The following RTN1 variants were observed in gnomAD, a reference collection of about 807,000 sequenced individuals.
RTN1 encodes the protein reticulon-1.
Under a neutral mutation model 65.5 loss-of-function variants are expected in RTN1, and 25 were observed. The ratio of observed to expected loss-of-function variants is 0.38; its 90% CI spans 0.28 to 0.53. The LOEUF is 0.53. Among genes scored for constraint, RTN1 ranks in the 20% least tolerant of loss-of-function variants. RTN1 has a pLI of 0.79. For synonymous variants in RTN1, 471 were observed against 447.6 expected (o/e 1.05, Z -0.66); for missense variants, 983 against 1,025.4 (o/e 0.96, Z 0.57).
chr14:59,866,627 G>A (rs1887803371), intron 1 of RTN1, among the ~76,000 whole-genome samples: 1 of 152,152 alleles, frequency 6.6e-6, no homozygotes, highest in African/African-American at 2.4e-5. Flanking sequence ...ATTGTATCCA[G>A]AGGATATGCC....
intron 1 of RTN1, among the ~76,000 whole-genome samples, chr14:59,810,079 C>G (rs749952932): frequency 6.6e-6 from 1 of 152,164 alleles, no homozygotes; most frequent in Non-Finnish European, 1.5e-5. Context: ...GGGTCTCTTG[C>G]AATTCCATAT....
chr14:59,750,231 T>TATATA (rs1382049225), intron 1 of RTN1, among the ~76,000 whole-genome samples: 2,949 of 39,386 alleles, frequency 0.075, 556 homozygotes, highest in Middle Eastern at 0.25. Context: ...ATATCTATAA[T>TATATA]ATATATATTA....
intron 1 of RTN1, among the ~76,000 whole-genome samples, chr14:59,844,120 G>T (rs1887363681): frequency 6.6e-6 from 1 of 152,150 alleles, no homozygotes; most frequent in Non-Finnish European, 1.5e-5. Context: ...AACAAGAAAA[G>T]ATTTTTCTTG....
intron 3 of RTN1, among the ~76,000 whole-genome samples, chr14:59,668,294 A>C (rs1405860656): frequency 6.6e-6 from 1 of 152,184 alleles, no homozygotes; most frequent in African/African-American, 2.4e-5. Context: ...CTCAGAAATA[A>C]CACCGCACAT....
At chr14:59,788,226 A>G (rs146027181) in intron 1 of RTN1, among the ~76,000 whole-genome samples, 61 of 152,334 alleles carry the variant, frequency 4.0e-4, no homozygotes, top group African/African-American at 1.5e-3. Context: ...CAAGAAGGCA[A>G]ATTTCCAGCA....
chr14:59,793,635 A>C (rs1051039247), intron 1 of RTN1, among the ~76,000 whole-genome samples: 4 of 130,362 alleles, frequency 3.1e-5, no homozygotes, highest in South Asian at 2.6e-4. Flanking sequence ...ACAGGCACAC[A>C]CCACACACAC....
intron 1 of RTN1, among the ~76,000 whole-genome samples, chr14:59,844,841 T>C (rs564791040): frequency 6.6e-5 from 10 of 152,242 alleles, no homozygotes; most frequent in Non-Finnish European, 1.2e-4. Flanking sequence ...AATGAGTTAA[T>C]AGATGATCAG....
At chr14:59,838,381 T>C (rs1294030721) in intron 1 of RTN1, among the ~76,000 whole-genome samples, 1 of 152,122 alleles carries the variant, frequency 6.6e-6, no homozygotes, top group Non-Finnish European at 1.5e-5. Flanking sequence ...TCACAGGAAA[T>C]AACTAGAAAA....
intron 3 of RTN1, among the ~76,000 whole-genome samples, chr14:59,669,700 G>T (rs1436203698): frequency 6.6e-6 from 1 of 152,088 alleles, no homozygotes; most frequent in Non-Finnish European, 1.5e-5. Context: ...TAGTGCCCTG[G>T]CACTAGAGCT....
intron 1 of RTN1, among the ~76,000 whole-genome samples, chr14:59,819,650 G>C (rs1479298380): frequency 6.6e-5 from 10 of 152,198 alleles, no homozygotes; most frequent in Non-Finnish European, 1.5e-4. Flanking sequence ...CGGAGCAGGG[G>C]ACGGCGCCCG....
At chr14:59,630,862 G>C (rs1320526474) in intron 3 of RTN1, 1 of 994,604 alleles carries the variant, frequency 1.0e-6, no homozygotes, top group African/African-American at 1.7e-5. Flanking sequence ...TTTGGGAGGA[G>C]GGGAAAAAGG....
At chr14:59,830,806 A>G (rs1367126204) in intron 1 of RTN1, among the ~76,000 whole-genome samples, 1 of 152,214 alleles carries the variant, frequency 6.6e-6, no homozygotes, top group African/African-American at 2.4e-5. Context: ...ATGAGTTAAC[A>G]TATGTAAAGC....
chr14:59,753,867 A>T (rs921302469), intron 1 of RTN1, among the ~76,000 whole-genome samples: 3 of 152,170 alleles, frequency 2.0e-5, no homozygotes, highest in Non-Finnish European at 4.4e-5. Flanking sequence ...ATAACCAAGG[A>T]TTCTGTGGAA....
In RTN1 at chr14:59,868,454, A is replaced by G. The variant is rs1249466123; in HGVS notation, c.241+1936T>C. Among the ~76,000 whole-genome samples, 1 of 152,352 alleles carries G rather than the reference A, an allele frequency of 6.6e-6. No individual in the cohort carries two copies. The highest frequency in any genetic ancestry group is 2.1e-4 in the South Asian group (1 of 4,832). ...AAAGCAAGGTATTTCTATAATAATA[A>G]TACTAAAAATGCAAAATGCATTGTT... On this transcript the variant is annotated intron_variant, in intron 1 of 8. Coordinates refer to ENST00000267484, the MANE Select transcript of RTN1 (RefSeq NM_021136.3). This position sits in a 1 kb window ranked among gnomAD's most constrained non-coding sequence, Gnocchi z 4.0.
At chr14:59,783,938 G>A (rs1342443347) in intron 1 of RTN1, among the ~76,000 whole-genome samples, 2 of 150,920 alleles carry the variant, frequency 1.3e-5, no homozygotes, top group Non-Finnish European at 2.9e-5. Context: ...AAGGTAACTG[G>A]TGGTTTAAAT....
intron 3 of RTN1, among the ~76,000 whole-genome samples, chr14:59,640,578 G>A (rs1250084611): frequency 6.6e-6 from 1 of 152,152 alleles, no homozygotes; most frequent in African/African-American, 2.4e-5. Context: ...GCCTCCCAAA[G>A]TGCTGGGATT....
intron 1 of RTN1, among the ~76,000 whole-genome samples, chr14:59,768,975 A>G (rs1339297437): frequency 6.6e-6 from 1 of 152,150 alleles, no homozygotes; most frequent in Non-Finnish European, 1.5e-5. Flanking sequence ...CCCAGGACCA[A>G]AGGATTCTGT....
In RTN1 at chr14:59,816,323, T is replaced by C. The variant is rs1886821156; in HGVS notation, c.241+54067A>G. On this transcript the variant is annotated intron_variant, in intron 1 of 8. Coordinates refer to ENST00000267484, the MANE Select transcript of RTN1 (RefSeq NM_021136.3). This position sits in a 1 kb window ranked among gnomAD's most constrained non-coding sequence, Gnocchi z 4.3. Reference sequence around the variant, plus strand: ...CAAAATAACAATTTCCCTGGAAGCCTCTGTCCACTCTCGCCCATCTCCACT... The same window carrying C: ...CAAAATAACAATTTCCCTGGAAGCCCCTGTCCACTCTCGCCCATCTCCACT... Among the ~76,000 whole-genome samples, 1 of 152,118 alleles carries C rather than the reference T, an allele frequency of 6.6e-6. No individual in the cohort carries two copies. Among genetic ancestry groups the C allele is most frequent in the Non-Finnish European group, 1.5e-5 (1 of 68,032 alleles).
At chr14:59,738,854 A>G (rs1454456998) in intron 2 of RTN1, among the ~76,000 whole-genome samples, 2 of 152,218 alleles carry the variant, frequency 1.3e-5, no homozygotes, top group African/African-American at 2.4e-5. Context: ...TCACAGGGAC[A>G]TGGATGGAGC....
Sources: gnomAD v4.1 joint callset for allele counts (sites outside exome capture counted in the v4.1 genomes callset) on GRCh38, gnomAD v4.1.1 for gene constraint, Gnocchi (gnomAD v3.1) non-coding constraint, MANE v1.5 for transcripts, NCBI Gene and HGNC (gene_info 2026-07-23, HGNC 2026-07-21) for gene names.